Variants in CACNA1C observed in about 807,000 individuals in gnomAD.
CACNA1C encodes the protein calcium voltage-gated channel subunit alpha1 C.
CACNA1C carries 30 observed loss-of-function variants against 229.0 expected under a neutral mutation model. The observed-to-expected ratio is 0.13, with a 90% CI of 0.10 to 0.18. The LOEUF (loss-of-function observed/expected upper bound fraction) is 0.18. CACNA1C is among the 10% of genes least tolerant of loss of function. CACNA1C has a pLI of 1.00. For missense variants in CACNA1C, 1,658 were observed against 2,845.0 expected (o/e 0.58, Z 9.49); for synonymous variants, 1,114 against 1,132.5 (o/e 0.98, Z 0.33).
chr12:2,138,124 G>A (rs2093739650), intron 3 of CACNA1C, among the ~76,000 whole-genome samples: 1 of 151,466 alleles, frequency 6.6e-6, no homozygotes, highest in Middle Eastern at 3.2e-3. Flanking sequence ...TATTATCTGG[G>A]CTCTCGGGCA....
rs919832376 is a variant in CACNA1C, at chr12:2,053,071, G to T, written c.-492G>T. 4.6e-5 allele frequency: 45 copies of T among 984,100 alleles called. No homozygotes were observed. In the East Asian group the frequency reaches 3.2e-3, roughly 71 times the overall value. 61.0% of individuals were successfully genotyped at this position (984,100 alleles called of 1,614,324 possible). A position where few individuals can be genotyped will look rare whatever the true frequency, so the allele number is the denominator to read the frequency against. On this transcript the variant is annotated 5_prime_UTR_variant, in exon 1 of 47. Coordinates refer to ENST00000399655, the MANE Select transcript of CACNA1C (RefSeq NM_000719.7). The surrounding 1 kb of genome is among the most constrained non-coding windows in gnomAD (Gnocchi z 5.8). Reference sequence around the variant, plus strand: ...CGGCGGGCCCGGAGCGGCGGCGGCGGCTCTTCCTGCCTCCGCGCCCAGGAG... The same window carrying T: ...CGGCGGGCCCGGAGCGGCGGCGGCGTCTCTTCCTGCCTCCGCGCCCAGGAG...
At chr12:2,526,727 C>T (rs1195239767) in intron 9 of CACNA1C, among the ~76,000 whole-genome samples, 2 of 152,214 alleles carry the variant, frequency 1.3e-5, no homozygotes, top group Non-Finnish European at 2.9e-5. Flanking sequence ...TGAAGGTAGA[C>T]TGGAGTGATA....
intron 3 of CACNA1C, among the ~76,000 whole-genome samples, chr12:2,260,085 AGAAG>A (rs1467212138): frequency 6.6e-6 from 1 of 152,224 alleles, no homozygotes; most frequent in Non-Finnish European, 1.5e-5. Flanking sequence ...CCAAACCATC[AGAAG>A]GAAGACCGAC....
At chr12:2,228,881 A>G (rs2063834469) in intron 3 of CACNA1C, among the ~76,000 whole-genome samples, 1 of 152,184 alleles carries the variant, frequency 6.6e-6, no homozygotes, top group Non-Finnish European at 1.5e-5. Context: ...AAAGAAAATT[A>G]ACATCTCTAA....
intron 3 of CACNA1C, among the ~76,000 whole-genome samples, chr12:2,206,250 A>C (rs1286308540): frequency 6.6e-6 from 1 of 152,172 alleles, no homozygotes; most frequent in East Asian, 1.9e-4. Flanking sequence ...AGAGGGAAGA[A>C]GGCCAGTTGA....
At position 2,677,297 on chromosome 12, in the gene CACNA1C, C is replaced by A; in HGVS notation, c.4956+76C>A. 6.6e-7 allele frequency: 1 copy of A among 1,517,346 alleles called. No individual in the cohort carries two copies. Among genetic ancestry groups the A allele is most frequent in the Admixed American group, 1.9e-5 (1 of 51,410 alleles). The allele number at this position is 1,517,346 out of a possible 1,614,324, so 94.0% of individuals were successfully genotyped here. On this transcript the variant is annotated intron_variant, in intron 40 of 46. Transcript: ENST00000399655. The surrounding 1 kb of genome is among the most constrained non-coding windows in gnomAD (Gnocchi z 7.4). ...TCTGACCTCCAGTCAGGGTCCCGGT[C>A]CCTCCCCAGCAGGCTGGAGGCCAGG...
At chr12:2,669,704 C>T (rs932825541) in intron 38 of CACNA1C, among the ~76,000 whole-genome samples, 9 of 152,140 alleles carry the variant, frequency 5.9e-5, no homozygotes, top group African/African-American at 1.9e-4. Flanking sequence ...AAGTGGTGGC[C>T]GTGGTGGAGG....
At chr12:2,478,150 T>C (rs1000983374) in intron 5 of CACNA1C, among the ~76,000 whole-genome samples, 1 of 152,082 alleles carries the variant, frequency 6.6e-6, no homozygotes, top group Non-Finnish European at 1.5e-5. Flanking sequence ...AGCTCACAGG[T>C]CTAGTCTTCT....
chr12:2,073,398 C>T (rs940083844), intron 1 of CACNA1C, among the ~76,000 whole-genome samples: 1 of 152,186 alleles, frequency 6.6e-6, no homozygotes, highest in Non-Finnish European at 1.5e-5. Flanking sequence ...TCCCTTGTAT[C>T]TCTCCTTCCC....
chr12:2,500,312 A>G (rs1042083657), intron 7 of CACNA1C, among the ~76,000 whole-genome samples: 1 of 152,200 alleles, frequency 6.6e-6, no homozygotes, highest in African/African-American at 2.4e-5. Context: ...GAAGTCCTTC[A>G]TATGCTGGAA....
intron 9 of CACNA1C, among the ~76,000 whole-genome samples, chr12:2,527,356 C>G (rs2099820141): frequency 6.6e-6 from 1 of 152,188 alleles, no homozygotes; most frequent in African/African-American, 2.4e-5. Flanking sequence ...TAGACTAGAT[C>G]TACTCTCAAC....
intron 1 of CACNA1C, among the ~76,000 whole-genome samples, chr12:2,060,973 T>C (rs532222974): frequency 6.6e-6 from 1 of 152,332 alleles, no homozygotes; most frequent in South Asian, 2.1e-4. Flanking sequence ...TCCAAAATAA[T>C]CTACGTTGGG....
At chr12:2,016,640 G>A (rs2045429907) in intron 1 of CACNA1C, among the ~76,000 whole-genome samples, 2 of 152,116 alleles carry the variant, frequency 1.3e-5, no homozygotes, top group Admixed American at 6.5e-5. Context: ...ATGTTGGCCA[G>A]GCTGGTCTCA....
At chr12:2,415,048 C>T (rs750787927) in intron 3 of CACNA1C, among the ~76,000 whole-genome samples, 42 of 152,188 alleles carry the variant, frequency 2.8e-4, no homozygotes, top group Non-Finnish European at 1.0e-4. Context: ...TCCATAGGCA[C>T]GCACACCCTC....
At chr12:2,614,935 A>G (rs969291798) in intron 29 of CACNA1C, 2 of 151,998 alleles carry the variant, frequency 1.3e-5, no homozygotes, top group African/African-American at 2.4e-5. Context: ...CCTGCCTTAA[A>G]TCTAACCATC....
intron 3 of CACNA1C, among the ~76,000 whole-genome samples, chr12:2,380,846 T>C (rs952938642): frequency 2.6e-5 from 4 of 152,178 alleles, no homozygotes; most frequent in South Asian, 2.1e-4. Context: ...TGGGGGGCAA[T>C]GTCCTCATTA....
chr12:2,559,095 A>C (rs1411736157), intron 11 of CACNA1C, among the ~76,000 whole-genome samples: 1 of 152,246 alleles, frequency 6.6e-6, no homozygotes, highest in Non-Finnish European at 1.5e-5. Flanking sequence ...CCAGTAAGAC[A>C]ATAGACTTGA....
chr12:2,163,970 A>G (rs964924878), intron 3 of CACNA1C, among the ~76,000 whole-genome samples: 1 of 152,014 alleles, frequency 6.6e-6, no homozygotes, highest in African/African-American at 2.4e-5. Flanking sequence ...TTCTTTCTTT[A>G]GGTTTGGCTG....
chr12:2,158,755 AAAAAT>A lies in CACNA1C; in HGVS notation c.477+38330_477+38334del, dbSNP rs552930366. On this transcript the variant is annotated intron_variant, in intron 3 of 46. Coordinates refer to ENST00000399655, the MANE Select transcript of CACNA1C (RefSeq NM_000719.7). Reference sequence around the variant, plus strand: ...AGGTAAAAATATAAAACAAAAAGAAAAAAATAAAACTTAGCCCGATGCACCTTCTC... The same window carrying A: ...AGGTAAAAATATAAAACAAAAAGAAAAAAACTTAGCCCGATGCACCTTCTC... Among the ~76,000 whole-genome samples, 804 of 152,286 alleles carry A rather than the reference AAAAAT, an allele frequency of 5.3e-3. 4 individuals are homozygous for A. Among genetic ancestry groups the A allele is most frequent in the Middle Eastern group, 0.027 (8 of 294 alleles).
Sources: allele counts gnomAD v4.1 joint callset (sites outside exome capture counted in the v4.1 genomes callset), GRCh38; gene constraint gnomAD v4.1.1; non-coding constraint Gnocchi (gnomAD v3.1); transcripts MANE v1.5; gene names NCBI Gene and HGNC (gene_info 2026-07-23, HGNC 2026-07-21).